Variants in SNTB2 observed in about 807,000 individuals in gnomAD.
The protein encoded by SNTB2 is syntrophin beta 2.
SNTB2 carries 34 observed loss-of-function variants against 46.2 expected under a neutral mutation model. The observed-to-expected ratio is 0.74, with a 90% CI of 0.56 to 0.98. The LOEUF is 0.98. SNTB2 is among the 50% of genes least tolerant of loss of function. SNTB2 has a pLI of 0.00. For missense variants in SNTB2, 603 were observed against 731.4 expected (o/e 0.82, Z 2.02); for synonymous variants, 290 against 312.6 (o/e 0.93, Z 0.76).
chr16:69,189,235 T>C (rs888243661), intron 1 of SNTB2, among the ~76,000 whole-genome samples: 1 of 152,220 alleles, frequency 6.6e-6, no homozygotes, highest in South Asian at 2.1e-4. Context: ...GGGCTAGACA[T>C]TGCTCGGAAA....
intron 1 of SNTB2, among the ~76,000 whole-genome samples, chr16:69,219,740 TTTG>T (rs1315376978): frequency 6.6e-6 from 1 of 151,824 alleles, no homozygotes. Context: ...TTTGTTTTGT[TTTG>T]TTTTGTTTTG....
Position 69,246,359 on chromosome 16 carries a change from A to G in SNTB2, c.794+544A>G, listed in dbSNP as rs911213758. On this transcript the variant is annotated intron_variant, in intron 2 of 6. Coordinates refer to ENST00000336278, the MANE Select transcript of SNTB2 (RefSeq NM_006750.4). ...TTTGGCTCTGTTTATATGCTGGATT[A>G]CATGTATTGATTTGCGTATATTGAA... Among the ~76,000 whole-genome samples, 30 of 152,032 alleles carry G rather than the reference A, an allele frequency of 2.0e-4. 2 individuals are homozygous for G. Among genetic ancestry groups the G allele is most frequent in the Non-Finnish European group, 4.4e-5 (3 of 68,016 alleles).
chr16:69,295,880 G>C (rs1383189787), intron 5 of SNTB2, among the ~76,000 whole-genome samples: 1 of 152,198 alleles, frequency 6.6e-6, no homozygotes, highest in Non-Finnish European at 1.5e-5. Context: ...ACTGTGGTGT[G>C]ATGTACTCAA....
At chr16:69,213,822 CTTTTTT>C (rs35759695) in intron 1 of SNTB2, among the ~76,000 whole-genome samples, 2 of 91,636 alleles carry the variant, frequency 2.2e-5, no homozygotes, top group African/African-American at 4.5e-5. Context: ...TTTTAGAGTT[CTTTTTT>C]TTTTTTTTTT....
At chr16:69,261,508 A>G (rs1426224978) in intron 3 of SNTB2, among the ~76,000 whole-genome samples, 1 of 151,752 alleles carries the variant, frequency 6.6e-6, no homozygotes, top group East Asian at 1.9e-4. Flanking sequence ...CTTTTTATGA[A>G]CATTTCAAAT....
chr16:69,274,856 G>A (rs1964971395), intron 4 of SNTB2, among the ~76,000 whole-genome samples: 2 of 152,066 alleles, frequency 1.3e-5, no homozygotes, highest in African/African-American at 4.8e-5. Flanking sequence ...TTTACAGATA[G>A]TCAAAGTTTC....
intron 3 of SNTB2, among the ~76,000 whole-genome samples, chr16:69,262,986 T>C (rs1964849497): frequency 6.6e-6 from 1 of 152,096 alleles, no homozygotes; most frequent in Non-Finnish European, 1.5e-5. Context: ...GTCACCATAC[T>C]ATGCAAAAGA....
At chr16:69,190,018 G>A (rs553283246) in intron 1 of SNTB2, among the ~76,000 whole-genome samples, 41 of 152,246 alleles carry the variant, frequency 2.7e-4, no homozygotes, top group Admixed American at 2.4e-3. Flanking sequence ...GTAGATTTAC[G>A]ACATTGCATT....
At chr16:69,299,175 C>T (rs1965255821) in intron 5 of SNTB2, among the ~76,000 whole-genome samples, 1 of 148,858 alleles carries the variant, frequency 6.7e-6, no homozygotes, top group African/African-American at 2.5e-5. Flanking sequence ...GACAGTCTTG[C>T]TCTGTCGCCC....
At chr16:69,263,461 C>G (rs965816935) in intron 3 of SNTB2, among the ~76,000 whole-genome samples, 1 of 150,236 alleles carries the variant, frequency 6.7e-6, no homozygotes, top group African/African-American at 2.5e-5. Context: ...TCTTGTTGCC[C>G]AGGCTGGGGT....
At chr16:69,220,050 C>G (rs1254254685) in intron 1 of SNTB2, among the ~76,000 whole-genome samples, 1 of 150,658 alleles carries the variant, frequency 6.6e-6, no homozygotes, top group Non-Finnish European at 1.5e-5. Context: ...GTGCCCAACT[C>G]CAGGTTTTGC....
At position 69,187,322 on chromosome 16, in the gene SNTB2, C is replaced by T; in HGVS notation, c.156C>T (p.Gly52=). ...ELSGESLSLT[G]DAAAAELEPA... ...GCGGGGAGAGCCTGAGCCTGACGGG[C>T]GACGCCGCCGCGGCCGAGCTGGAGC... Residue 52 remains glycine (G), a synonymous_variant, in exon 1 of 7, where the codon GGC becomes GGT. Coordinates refer to ENST00000336278, the MANE Select transcript of SNTB2 (RefSeq NM_006750.4). The T allele has an allele frequency of 6.2e-6, 9 of 1,452,330 alleles. No homozygotes were observed. Among genetic ancestry groups the T allele is most frequent in the Non-Finnish European group, 8.1e-6 (9 of 1,104,958 alleles). 90.0% of individuals were successfully genotyped at this position (1,452,330 alleles called of 1,614,324 possible). A position where few individuals can be genotyped will look rare whatever the true frequency, so the allele number is the denominator to read the frequency against.
intron 1 of SNTB2, among the ~76,000 whole-genome samples, chr16:69,206,121 C>T (rs921121209): frequency 1.2e-4 from 19 of 152,082 alleles, no homozygotes; most frequent in African/African-American, 4.3e-4. Context: ...CTTAGCCTCC[C>T]AAGAAACGAG....
chr16:69,217,680 T>G (rs1335539508), intron 1 of SNTB2, among the ~76,000 whole-genome samples: 2 of 152,118 alleles, frequency 1.3e-5, no homozygotes, highest in African/African-American at 2.4e-5. Context: ...AAAAAACAAA[T>G]GGAAGATTGG....
chr16:69,251,948 A>T (rs1338990284), intron 2 of SNTB2, among the ~76,000 whole-genome samples: 1 of 152,196 alleles, frequency 6.6e-6, no homozygotes, highest in Admixed American at 6.5e-5. Flanking sequence ...AAAATAAAAT[A>T]AACTGCCAGA....
At chr16:69,259,548 T>A (rs1270289079) in intron 2 of SNTB2, among the ~76,000 whole-genome samples, 2 of 151,114 alleles carry the variant, frequency 1.3e-5, no homozygotes, top group Non-Finnish European at 2.9e-5. Flanking sequence ...GATTTTTATC[T>A]TTCCATGTGT....
chr16:69,269,350 C>G (rs1000424931), intron 3 of SNTB2, among the ~76,000 whole-genome samples: 2 of 151,324 alleles, frequency 1.3e-5, no homozygotes, highest in South Asian at 2.1e-4. Flanking sequence ...AACCCCATCT[C>G]TACTAAAAAT....
At position 69,265,211 on chromosome 16, in the gene SNTB2, T is replaced by C. The variant is rs187724795; in HGVS notation, c.1006-4932T>C. 2.6e-3 allele frequency among the ~76,000 whole-genome samples: 397 copies of C among 152,224 alleles called. 3 individuals carry two copies. The East Asian group carries it at 0.027, about 10-fold the overall frequency. ...TTGCAGTGAGCCGAGATCGCGCCAC[T>C]GCACTCCAGCCTGGGCAACAAAGCG... On this transcript the variant is annotated intron_variant, in intron 3 of 6. Coordinates refer to ENST00000336278, the MANE Select transcript of SNTB2 (RefSeq NM_006750.4).
intron 1 of SNTB2, among the ~76,000 whole-genome samples, chr16:69,238,231 A>C (rs1314368546): frequency 6.6e-6 from 1 of 152,152 alleles, no homozygotes; most frequent in Non-Finnish European, 1.5e-5. Flanking sequence ...CCCAATTCGC[A>C]GGTCAGTGCA....
Sources: gnomAD v4.1 joint callset for allele counts (sites outside exome capture counted in the v4.1 genomes callset) on GRCh38, gnomAD v4.1.1 for gene constraint, MANE v1.5 for transcripts, NCBI Gene and HGNC (gene_info 2026-07-23, HGNC 2026-07-21) for gene names.